Variants in ALG13 observed in about 807,000 individuals in gnomAD.
ALG13 encodes the protein UDP-N-acetylglucosamine transferase subunit ALG13.
ALG13 carries 11 observed loss-of-function variants against 87.8 expected under a neutral mutation model. The observed-to-expected ratio is 0.13, with a 90% CI of 0.08 to 0.21. The LOEUF is 0.21. Ranked by LOEUF, ALG13 falls within the 10% of genes least tolerant of loss-of-function variation. ALG13 has a pLI of 1.00. For synonymous variants in ALG13, 320 were observed against 306.3 expected (o/e 1.04, Z -0.47); for missense variants, 756 against 866.1 (o/e 0.87, Z 1.60).
intron 26 of ALG13, 117 bp downstream of exon 26, chrX:111,757,879 CATG>C (rs1945411250): frequency 1.4e-6 from 1 of 709,264 alleles, no homozygotes; most frequent in Non-Finnish European, 2.1e-6. Context: ...ATTCTCAAAG[CATG>C]ATATGTGGAC....
intron 2 of ALG13, among the ~76,000 whole-genome samples, chrX:111,684,591 T>C (rs1419671516): frequency 1.8e-5 from 2 of 111,683 alleles, no homozygotes; most frequent in Non-Finnish European, 3.8e-5. Flanking sequence ...TCCCAAAGCG[T>C]TGGGATTGTA....
intron 8 of ALG13, among the ~76,000 whole-genome samples, chrX:111,716,655 T>A (rs1258371108): frequency 8.9e-6 from 1 of 112,327 alleles, no homozygotes; most frequent in Non-Finnish European, 1.9e-5. Context: ...TACTTTGAAA[T>A]GGATTATTAC....
At chrX:111,751,754 T>C (rs1944772202) in intron 24 of ALG13, among the ~76,000 whole-genome samples, 1 of 111,791 alleles carries the variant, frequency 8.9e-6, no homozygotes, top group African/African-American at 3.3e-5. Flanking sequence ...TGTATTTGTA[T>C]GTGTAGGGAG....
At chrX:111,735,575 G>A (rs755239648) in intron 22 of ALG13, among the ~76,000 whole-genome samples, 1 of 111,378 alleles carries the variant, frequency 9.0e-6, no homozygotes, top group South Asian at 3.8e-4. Context: ...TTTAGAAAAT[G>A]GGCAGAGAAG....
In ALG13 at chrX:111,727,776, TG is replaced by T; in HGVS notation, c.2247+8del. On this transcript the variant is annotated splice_region_variant and intron_variant, in intron 18 of 26. Coordinates refer to ENST00000394780, the MANE Select transcript of ALG13 (RefSeq NM_001099922.3). ...CTGCTTATCCAACTTTACCTGTGAGTGGATCAATGCTTTACTCAAAAAGCTG... is the reference window on the plus strand; with the variant it reads ...CTGCTTATCCAACTTTACCTGTGAGTGATCAATGCTTTACTCAAAAAGCTG... 1 of 1,193,650 alleles carries T rather than the reference TG, an allele frequency of 8.4e-7. No individual in the cohort carries two copies.
At chrX:111,690,978 T>A (rs1429287077) in intron 3 of ALG13, among the ~76,000 whole-genome samples, 1 of 111,709 alleles carries the variant, frequency 9.0e-6, no homozygotes, top group Non-Finnish European at 1.9e-5. Flanking sequence ...CTTCATATAG[T>A]CTGAGAAATG....
Position 111,717,887 on chromosome X carries a change from G to A in ALG13, c.1047G>A (p.Val349=), listed in dbSNP as rs760709469. The part of the protein sequence containing the change: ...CYSSSGHYDS[V]YSKQFQSSAA... Reference sequence around the variant, plus strand: ...CAAGTAGTGGTCACTATGATTCTGTGTACTCAAAACAATTTCAGTCAAGTG... The same window carrying A: ...CAAGTAGTGGTCACTATGATTCTGTATACTCAAAACAATTTCAGTCAAGTG... Residue 349 remains valine, a synonymous_variant, in exon 9 of 27, where the codon GTG becomes GTA. Coordinates refer to ENST00000394780, the MANE Select transcript of ALG13 (RefSeq NM_001099922.3). The A allele has an allele frequency of 8.3e-7, 1 of 1,207,094 alleles. No individual in the cohort carries two copies. The highest frequency in any genetic ancestry group is 1.8e-5 in the South Asian group (1 of 56,196).
At chrX:111,700,393 G>A (rs777029269) in intron 3 of ALG13, among the ~76,000 whole-genome samples, 19 of 110,354 alleles carry the variant, frequency 1.7e-4, no homozygotes, top group Non-Finnish European at 3.2e-4. Flanking sequence ...CTCTGGCTAC[G>A]ATTTGTATGT....
intron 23 of ALG13, 58 bp from the exon 24 acceptor site, chrX:111,744,610 A>C (rs201874344): frequency 1.3e-5 from 14 of 1,098,249 alleles, no homozygotes; most frequent in Non-Finnish European, 1.7e-5. Context: ...AGATGAGCCT[A>C]CTGTTCATAA....
intron 23 of ALG13, among the ~76,000 whole-genome samples, chrX:111,740,101 A>T (rs997979317): frequency 1.1e-4 from 12 of 111,608 alleles, no homozygotes; most frequent in African/African-American, 3.6e-4. Context: ...AGAAGTTGAG[A>T]CTATACTATG....
chrX:111,705,212 A>G (rs1438594600), intron 3 of ALG13, among the ~76,000 whole-genome samples: 1 of 111,809 alleles, frequency 8.9e-6, no homozygotes, highest in Non-Finnish European at 1.9e-5. Context: ...TGTGGTTCTA[A>G]TTTTCATTTT....
chrX:111,728,265 G>C lies in ALG13; in HGVS notation c.2328G>C (p.Gln776His), dbSNP rs750005344. The C allele has an allele frequency of 1.3e-5, 16 of 1,209,945 alleles. No homozygotes were observed. Among genetic ancestry groups the C allele is most frequent in the Non-Finnish European group, 1.8e-5 (16 of 895,133 alleles). The change falls in exon 19 of 27, where the codon CAG becomes CAC. Residue 776 changes from glutamine to histidine, a missense_variant. Physicochemically the swap from Gln to His is conservative, Grantham distance 24. Around this residue, in one of 9 missense-constraint regions of ALG13, gnomAD observed 362 missense variants for 383.5 expected, o/e 0.94. Transcript: ENST00000394780. ...GGCGGGGACATAGCTCAGGCAAACA[G>C]ACTTTGAATTTAGAGGAGGGCAATG... ...VGRRGHSSGK[Q>H]TLNLEEGNGQ... is the part of the protein sequence containing the mutation.
chrX:111,692,349 A>G (rs977107999), intron 3 of ALG13, among the ~76,000 whole-genome samples: 1 of 111,904 alleles, frequency 8.9e-6, no homozygotes, highest in Non-Finnish European at 1.9e-5. Context: ...TCCTGCTCTG[A>G]AGGACCTATG....
At chrX:111,712,215 TA>T (rs775823061) in intron 6 of ALG13, among the ~76,000 whole-genome samples, 179 of 112,169 alleles carry the variant, frequency 1.6e-3, no homozygotes, top group Admixed American at 6.4e-3. Flanking sequence ...TTTATTATAC[TA>T]GTTCCATTTT....
intron 15 of ALG13, among the ~76,000 whole-genome samples, chrX:111,726,227 G>GTTTT (rs1448726593): frequency 1.1e-4 from 9 of 83,722 alleles, no homozygotes; most frequent in African/African-American, 3.6e-4. Flanking sequence ...TTACAGGCGT[G>GTTTT]TTTTGTTTTT....
At chrX:111,742,139 ATCT>A (rs1173272904) in intron 23 of ALG13, among the ~76,000 whole-genome samples, 3 of 111,801 alleles carry the variant, frequency 2.7e-5, no homozygotes, top group African/African-American at 3.3e-5. Flanking sequence ...TCAACTATAG[ATCT>A]TCTTTACTAG....
In ALG13 at chrX:111,726,923, T is replaced by C. The variant is rs1331296630; in HGVS notation, c.1844T>C (p.Leu615Pro). Residue 615 changes from leucine (L) to proline (P), a missense_variant, in exon 16 of 27, where the codon CTG (leucine) becomes CCG (proline). By Grantham distance (98) the Leu-to-Pro change is moderately conservative. Coordinates refer to ENST00000394780, the MANE Select transcript of ALG13 (RefSeq NM_001099922.3). Reference protein sequence around the residue: ...GKGDPLLPPRLQHSMHYGHDP... With the variant: ...GKGDPLLPPRPQHSMHYGHDP... ...GGAGACCCCCTCCTCCCACCCAGGCTGCAGCACAGTATGCATTATGGGCAC... is the reference window on the plus strand; with the variant it reads ...GGAGACCCCCTCCTCCCACCCAGGCCGCAGCACAGTATGCATTATGGGCAC... 3.3e-6 allele frequency: 4 copies of C among 1,211,781 alleles called. No individual in the cohort carries two copies. Among genetic ancestry groups the C allele is most frequent in the Non-Finnish European group, 4.5e-6 (4 of 895,490 alleles).
intron 25 of ALG13, 61 bp from the exon 26 acceptor site, chrX:111,757,527 T>G: frequency 1.1e-6 from 1 of 882,773 alleles, no homozygotes; most frequent in Non-Finnish European, 1.5e-6. Context: ...GGGAACTGTA[T>G]TACATTAAGA....
chrX:111,703,557 A>G (rs1335195952), intron 3 of ALG13, among the ~76,000 whole-genome samples: 1 of 111,736 alleles, frequency 8.9e-6, no homozygotes, highest in African/African-American at 3.2e-5. Flanking sequence ...ACTGGCAAAA[A>G]CTAATCTGTT....
Sources: allele counts gnomAD v4.1 joint callset (sites outside exome capture counted in the v4.1 genomes callset), GRCh38; gene constraint gnomAD v4.1.1; regional missense constraint gnomAD v4.1.1; transcripts MANE v1.5; gene names NCBI Gene and HGNC (gene_info 2026-07-23, HGNC 2026-07-21).